The following TRPC6 variants were observed in gnomAD, a reference collection of about 807,000 sequenced individuals.
The protein encoded by TRPC6 is short transient receptor potential channel 6.
In TRPC6, 55 loss-of-function variants were observed where a neutral mutation model predicts 90.7. The ratio of observed to expected loss-of-function variants is 0.61; its 90% CI spans 0.49 to 0.76. TRPC6 has a LOEUF of 0.76. Among genes scored for constraint, TRPC6 ranks in the 30% least tolerant of loss-of-function variants. TRPC6 has a pLI of 0.00. For missense variants in TRPC6, 989 were observed against 1,122.7 expected, an observed-to-expected ratio of 0.88 and a Z score of 1.70; for synonymous variants, 393 against 393.0, an observed-to-expected ratio of 1.00 and a Z score of 0.00.
intron 10 of TRPC6, 34 bp from the exon 11 acceptor site, chr11:101,455,135 A>C: frequency 1.3e-6 from 2 of 1,541,954 alleles, no homozygotes; most frequent in South Asian, 2.2e-5. Context: ...ATGGATTCCT[A>C]CTTACATTTT....
At chr11:101,542,799 T>C (rs1330117320) in intron 1 of TRPC6, among the ~76,000 whole-genome samples, 1 of 151,922 alleles carries the variant, frequency 6.6e-6, no homozygotes, top group Non-Finnish European at 1.5e-5. Flanking sequence ...TCTAAACAGA[T>C]TAAAATTCTA....
At position 101,470,567 on chromosome 11, in the gene TRPC6, A is replaced by T. The variant is rs182630437; in HGVS notation, c.2409+616T>A. On this transcript the variant is annotated intron_variant, in intron 9 of 12. Transcript: ENST00000344327. ...ACCTCCAGTGAGACACAAATTCCAC[A>T]TGTTCTCTAAACATATCTGAACATG... Among the ~76,000 whole-genome samples, 206 of 152,268 alleles carry T rather than the reference A, an allele frequency of 1.4e-3. 3 individuals carry two copies. The highest frequency in any genetic ancestry group is 4.8e-3 in the African/African-American group (200 of 41,550).
intron 4 of TRPC6, among the ~76,000 whole-genome samples, chr11:101,486,140 G>C (rs1859674544): frequency 6.6e-6 from 1 of 151,990 alleles, no homozygotes. Flanking sequence ...TGGTTGCCTA[G>C]AAACTAAAAT....
intron 1 of TRPC6, among the ~76,000 whole-genome samples, chr11:101,549,183 G>C (rs1352309237): frequency 6.6e-6 from 1 of 151,906 alleles, no homozygotes; most frequent in African/African-American, 2.4e-5. Flanking sequence ...AAGAGCAAGT[G>C]AAGTACAAAA....
chr11:101,520,116 C>A (rs1038506044), intron 1 of TRPC6, among the ~76,000 whole-genome samples: 1 of 151,880 alleles, frequency 6.6e-6, no homozygotes, highest in Non-Finnish European at 1.5e-5. Flanking sequence ...AATTGTAATC[C>A]CCAGTGTTGA....
intron 1 of TRPC6, among the ~76,000 whole-genome samples, chr11:101,527,065 T>A (rs866386587): frequency 1.7e-4 from 26 of 152,212 alleles, no homozygotes; most frequent in Middle Eastern, 3.4e-3. Flanking sequence ...GTGTACTATT[T>A]TATAAAGCAC....
At chr11:101,567,405 A>G (rs1334266771) in intron 1 of TRPC6, among the ~76,000 whole-genome samples, 1 of 151,802 alleles carries the variant, frequency 6.6e-6, no homozygotes, top group Admixed American at 6.6e-5. Context: ...CCTGGGACAG[A>G]GCATCTGGGG....
intron 4 of TRPC6, among the ~76,000 whole-genome samples, chr11:101,485,103 C>T (rs1859644274): frequency 6.9e-6 from 1 of 145,256 alleles, no homozygotes; most frequent in African/African-American, 2.5e-5. Context: ...ATGCAGAACC[C>T]ACATATACAG....
At chr11:101,550,048 G>A (rs1260270765) in intron 1 of TRPC6, among the ~76,000 whole-genome samples, 1 of 151,486 alleles carries the variant, frequency 6.6e-6, no homozygotes, top group African/African-American at 2.4e-5. Flanking sequence ...TATAGTCTAA[G>A]ACTCATGAAA....
intron 2 of TRPC6, among the ~76,000 whole-genome samples, chr11:101,492,480 A>T (rs74966448): frequency 1.3e-5 from 2 of 152,072 alleles, no homozygotes; most frequent in African/African-American, 2.4e-5. Flanking sequence ...CCAGCTACTC[A>T]GGAGGCTGAG....
chr11:101,573,548 T>C (rs7128403), intron 1 of TRPC6, among the ~76,000 whole-genome samples: 149,847 of 152,284 alleles, frequency 0.98, 73,769 homozygotes, highest in East Asian at 1. Context: ...GTTTTCAAGT[T>C]AGCTAGAGAA....
In TRPC6 at chr11:101,499,962, TAC is replaced by T. The variant is rs1437948173; in HGVS notation, c.945+4060_945+4061del. On this transcript the variant is annotated intron_variant, in intron 2 of 12. Transcript: ENST00000344327. The stretch of plus-strand genomic sequence containing the variant: ...ACACAGTATAAAATGTGTATATATA[TAC>T]ACAGTATAAAATGTGTATATATGTA... Among the ~76,000 whole-genome samples, 8 of 102,686 alleles carry T rather than the reference TAC, an allele frequency of 7.8e-5. 2 individuals carry two copies. Among genetic ancestry groups the T allele is most frequent in the Non-Finnish European group, 1.6e-4 (8 of 50,406 alleles). 67.4% of individuals were successfully genotyped at this position (102,686 alleles called of 152,430 possible). A position where few individuals can be genotyped will look rare whatever the true frequency, so the allele number is the denominator to read the frequency against.
intron 1 of TRPC6, among the ~76,000 whole-genome samples, chr11:101,510,055 T>C (rs1379530123): frequency 6.6e-6 from 1 of 152,154 alleles, no homozygotes; most frequent in Non-Finnish European, 1.5e-5. Context: ...TAAGACACAG[T>C]AAAAGCTGCT....
At chr11:101,528,594 T>C (rs1433880422) in intron 1 of TRPC6, among the ~76,000 whole-genome samples, 1 of 152,212 alleles carries the variant, frequency 6.6e-6, no homozygotes, top group African/African-American at 2.4e-5. Context: ...TATATTACTA[T>C]TGTATTATTG....
intron 11 of TRPC6, among the ~76,000 whole-genome samples, 187 bp downstream of exon 11, chr11:101,454,827 CTTTA>C (rs1222369003): frequency 7.7e-6 from 1 of 129,248 alleles, no homozygotes; most frequent in Non-Finnish European, 1.6e-5. Flanking sequence ...GATTCCAATA[CTTTA>C]TTTTTTTTAA....
intron 1 of TRPC6, among the ~76,000 whole-genome samples, chr11:101,518,814 T>A (rs1490011490): frequency 2.6e-5 from 4 of 152,082 alleles, no homozygotes; most frequent in Non-Finnish European, 5.9e-5. Flanking sequence ...AATGAATGGA[T>A]GAAGAAAATG....
Position 101,452,391 on chromosome 11 carries a change from A to G in TRPC6, c.*564T>C, listed in dbSNP as rs1455441337. 1.9e-5 allele frequency: 3 copies of G among 154,102 alleles called. No homozygotes were observed. Among genetic ancestry groups the G allele is most frequent in the African/African-American group, 7.2e-5 (3 of 41,454 alleles). 9.5% of individuals were successfully genotyped at this position (154,102 alleles called of 1,614,324 possible). ...AAATAGATGAATCAGAAAATTTTAC[A>G]TAGATGTAAGACCATTTTGTATGAA... On this transcript the variant is annotated 3_prime_UTR_variant, in exon 13 of 13. Transcript: ENST00000344327.
intron 1 of TRPC6, among the ~76,000 whole-genome samples, chr11:101,528,165 G>A (rs1244418916): frequency 6.6e-6 from 1 of 152,172 alleles, no homozygotes; most frequent in East Asian, 1.9e-4. Flanking sequence ...ATAAATCTAT[G>A]TTAAATTTAC....
At position 101,469,353 on chromosome 11, in the gene TRPC6, G is replaced by C. The variant is rs1859230798; in HGVS notation, c.2484+74C>G. On this transcript the variant is annotated intron_variant, in intron 10 of 12. Coordinates refer to ENST00000344327, the MANE Select transcript of TRPC6 (RefSeq NM_004621.6). The stretch of plus-strand genomic sequence containing the variant: ...TTCTCTACTTGCTAAAATTGCTTCT[G>C]AACATCTGTCCCTTTCTTTGAAAAG... 15 of 710,656 alleles carry C rather than the reference G, an allele frequency of 2.1e-5. 1 individual carries two copies. The highest frequency in any genetic ancestry group is 2.1e-4 in the South Asian group (14 of 66,460). 44.0% of individuals were successfully genotyped at this position (710,656 alleles called of 1,614,324 possible). A position where few individuals can be genotyped will look rare whatever the true frequency, so the allele number is the denominator to read the frequency against.
Sources: gnomAD v4.1 joint callset for allele counts (sites outside exome capture counted in the v4.1 genomes callset) on GRCh38, gnomAD v4.1.1 for gene constraint, MANE v1.5 for transcripts, NCBI Gene and HGNC (gene_info 2026-07-23, HGNC 2026-07-21) for gene names.